DNAH17: variants seen among roughly 807,000 people sequenced by gnomAD.
The protein encoded by DNAH17 is dynein axonemal heavy chain 17.
DNAH17 carries 376 observed loss-of-function variants against 485.6 expected under a neutral mutation model. The observed-to-expected ratio is 0.77, with a 90% CI of 0.71 to 0.84. The LOEUF is 0.84. Among genes scored for constraint, DNAH17 ranks in the 40% least tolerant of loss-of-function variants. The pLI is 0.00. For synonymous variants in DNAH17, 3,031 were observed against 2,405.9 expected, an observed-to-expected ratio of 1.26 and a Z score of -7.60; for missense variants, 6,370 against 5,839.3, an observed-to-expected ratio of 1.09 and a Z score of -2.96.
chr17:78,430,034 C>A (rs1194765477), intron 75 of DNAH17, among the ~76,000 whole-genome samples: 2 of 152,320 alleles, frequency 1.3e-5, no homozygotes, highest in East Asian at 3.9e-4. Flanking sequence ...CTTCCCACCC[C>A]GCCGCCGTTC....
At chr17:78,572,570 G>A (rs948834606) in intron 3 of DNAH17, 131 bp downstream of exon 3, 30 of 876,078 alleles carry the variant, frequency 3.4e-5, no homozygotes, top group South Asian at 1.4e-4. Context: ...GCATTTCCCC[G>A]GCTTTAACAT....
chr17:78,575,107 A>G, intron 1 of DNAH17, 25 bp from the exon 2 acceptor site: 1 of 1,470,266 alleles, frequency 6.8e-7, no homozygotes, highest in Non-Finnish European at 9.2e-7. Flanking sequence ...AGAAACAGGT[A>G]CGAACTGTCT....
chr17:78,464,536 T>C (rs112308103), intron 56 of DNAH17, among the ~76,000 whole-genome samples: 1 of 152,220 alleles, frequency 6.6e-6, no homozygotes, highest in Non-Finnish European at 1.5e-5. Context: ...GCTGGGATTA[T>C]AGGCGTGAGC....
intron 69 of DNAH17, among the ~76,000 whole-genome samples, chr17:78,446,077 G>C (rs1308828240): frequency 6.8e-6 from 1 of 148,054 alleles, no homozygotes; most frequent in Non-Finnish European, 1.5e-5. Context: ...GGGATGCTGA[G>C]GCAGGAGAAT....
chr17:78,545,746 A>C (rs897063655), intron 16 of DNAH17, among the ~76,000 whole-genome samples: 3 of 152,122 alleles, frequency 2.0e-5, no homozygotes, highest in African/African-American at 7.2e-5. Context: ...CCCATTTTTC[A>C]ACTCTTCTAA....
At chr17:78,454,735 G>A (rs77431968) in intron 63 of DNAH17, 30 bp from the exon 64 acceptor site, 14 of 1,570,398 alleles carry the variant, frequency 8.9e-6, no homozygotes, top group Middle Eastern at 1.7e-4. Context: ...TTCTTAGAGG[G>A]GGTAATGCGA....
At chr17:78,465,743 C>T (rs1032465799) in intron 56 of DNAH17, among the ~76,000 whole-genome samples, 55 of 151,180 alleles carry the variant, frequency 3.6e-4, no homozygotes, top group Non-Finnish European at 6.2e-4. Context: ...GCAGCCACCC[C>T]GTCCGGGAGG....
chr17:78,571,539 G>C (rs2092357616), intron 4 of DNAH17, 51 bp downstream of exon 4: 2 of 1,601,850 alleles, frequency 1.2e-6, no homozygotes, highest in South Asian at 2.2e-5. Context: ...GCTCGGCCCG[G>C]TCGCCCAGCT....
chr17:78,460,321 C>CATGCATGTGT, intron 58 of DNAH17, 64 bp from the exon 59 acceptor site: 6 of 872,552 alleles, frequency 6.9e-6, no homozygotes, highest in Middle Eastern at 5.2e-4. Context: ...GGGGCGTGTA[C>CATGCATGTGT]GTGCATGTGT....
Position 78,454,502 on chromosome 17 carries a change from A to G in DNAH17, c.10374T>C (p.Ser3458=). 8.1e-6 allele frequency: 13 copies of G among 1,612,456 alleles called. No homozygotes were observed. The highest frequency in any genetic ancestry group is 1.0e-5 in the Non-Finnish European group (12 of 1,179,718). ...GTCCCAGGCGGATGGCTTTCAGTTCACTCCTGTATTTGTTTTTGATCCACT... is the reference window on the plus strand; with the variant it reads ...GTCCCAGGCGGATGGCTTTCAGTTCGCTCCTGTATTTGTTTTTGATCCACT... ...GIKWIKNKYR[S]ELKAIRLGQK... The change falls in exon 64 of 81, where the codon AGT becomes AGC. Residue 3458 remains serine, a synonymous_variant. Transcript: ENST00000389840.
rs781196420 is a variant in DNAH17, at chr17:78,566,949, G to A, written c.1452+50C>T. On this transcript the variant is annotated intron_variant, in intron 10 of 80. Coordinates refer to ENST00000389840, the MANE Select transcript of DNAH17 (RefSeq NM_173628.4). ...ACACCCCTAAGCTGGTACCGAGGCT[G>A]GTGCTGTTCTCACCGAGTCCAGTTC... The A allele has an allele frequency of 3.8e-6, 6 of 1,560,678 alleles. No homozygotes were observed. The South Asian group carries it at 6.0e-5, about 16-fold the overall frequency.
chr17:78,574,674 C>A (rs372516100), intron 2 of DNAH17, 39 bp downstream of exon 2: 7 of 1,541,692 alleles, frequency 4.5e-6, no homozygotes, highest in South Asian at 3.7e-5. Context: ...AGAAGTCGGT[C>A]GTGCTCGACA....
At chr17:78,458,514 C>G in intron 62 of DNAH17, 51 bp downstream of exon 62, 3 of 1,505,982 alleles carry the variant, frequency 2.0e-6, no homozygotes, top group Middle Eastern at 1.9e-4. Flanking sequence ...TGGGCTTGTC[C>G]CTTTCAGGGG....
At chr17:78,559,102 C>A (rs573519793) in intron 13 of DNAH17, among the ~76,000 whole-genome samples, 1 of 152,198 alleles carries the variant, frequency 6.6e-6, no homozygotes, top group Non-Finnish European at 1.5e-5. Flanking sequence ...TGTCATCCAA[C>A]GTTATAGCTG....
chr17:78,574,937 T>C lies in DNAH17; in HGVS notation c.121A>G (p.Thr41Ala), dbSNP rs780698156. ...IGAEENVALF[T>A]EFFEKPDVQV... ...ACGTCGGGCTTTTCAAAGAACTCTG[T>C]GAACAGGGCCACGTTCTCCTCGGCG... is the stretch of plus-strand genomic sequence containing the variant. The change falls in exon 2 of 81, where the codon ACA (threonine) becomes GCA (alanine). Residue 41 changes from threonine to alanine, a missense_variant. Physicochemically the swap from Thr to Ala is moderately conservative, Grantham distance 58 (BLOSUM62 0). Transcript: ENST00000389840. 6.2e-7 allele frequency: 1 copy of C among 1,614,038 alleles called. No individual in the cohort carries two copies. The highest frequency in any genetic ancestry group is 2.2e-5 in the East Asian group (1 of 44,892).
At chr17:78,566,916 C>T in intron 10 of DNAH17, 83 bp downstream of exon 10, 10 of 1,488,860 alleles carry the variant, frequency 6.7e-6, no homozygotes, top group Non-Finnish European at 7.2e-6. Context: ...TCCGTGTGCC[C>T]TCCCATCACA....
chr17:78,460,054 T>C, intron 59 of DNAH17, 53 bp from the exon 60 acceptor site: 1 of 1,601,772 alleles, frequency 6.2e-7, no homozygotes, highest in Non-Finnish European at 8.5e-7. Context: ...GGGTCCTCGG[T>C]GATGCCCCGA....
chr17:78,428,535 C>T lies in DNAH17; in HGVS notation c.12578G>A (p.Arg4193His), dbSNP rs35597902. 14 of 1,606,922 alleles carry T rather than the reference C, an allele frequency of 8.7e-6. No individual in the cohort carries two copies. Among genetic ancestry groups the T allele is most frequent in the Admixed American group, 6.8e-5 (4 of 58,550 alleles). Residue 4193 changes from arginine to histidine, a missense_variant, in exon 77 of 81, where the codon CGC becomes CAC. Arg to His is a conservative substitution (Grantham distance 29). Transcript: ENST00000389840. ...TDSGAGTGVS[R>H]EEKVKAVLDD... is the part of the protein sequence containing the mutation. The stretch of plus-strand genomic sequence containing the variant: ...TTTCAAAGATCCTGCCTTCTCCTCG[C>T]GGGACACTCCCGTGCCTGCCCCCGA...
rs183360072 is a variant in DNAH17, at chr17:78,466,779, C to T, written c.8816G>A (p.Arg2939Gln). The T allele has an allele frequency of 7.7e-5, 123 of 1,605,010 alleles. No homozygotes were observed. Among genetic ancestry groups the T allele is most frequent in the East Asian group, 6.8e-5 (3 of 44,064 alleles). The change falls in exon 56 of 81, where the codon CGG (arginine) becomes CAG (glutamine). Residue 2939 changes from arginine to glutamine, a missense_variant. Arg to Gln is a conservative substitution (Grantham distance 43). Transcript: ENST00000389840. ...AGCTGGGAACTTTCTGGCTCGTACC[C>T]GCAGCACGGAGCCCACAGGGGAGAA... ...LCFSPVGSVL[R>Q]VRARKFPAVV...
Sources: allele counts gnomAD v4.1 joint callset (sites outside exome capture counted in the v4.1 genomes callset), GRCh38; gene constraint gnomAD v4.1.1; transcripts MANE v1.5; gene names NCBI Gene and HGNC (gene_info 2026-07-23, HGNC 2026-07-21).